Variants in CHLSN observed in about 807,000 individuals in gnomAD.
CHLSN encodes the protein cholesin, also known as protein cholesin.
the CHLSN span, among the ~76,000 whole-genome samples, chr7:1,014,921 G>A: frequency 6.6e-6 from 1 of 152,232 alleles, no homozygotes; most frequent in African/African-American, 2.4e-5. Flanking sequence ...TCCCTGCCCT[G>A]CAGGGACGGT....
chr7:1,132,399 AAAGAAAAC>A, the CHLSN span, among the ~76,000 whole-genome samples: 3 of 152,132 alleles, frequency 2.0e-5, no homozygotes, highest in Non-Finnish European at 2.9e-5. Context: ...AACAAAGCAA[AAAGAAAAC>A]CCAGGCTAGG....
At chr7:1,100,369 G>C in the CHLSN span, among the ~76,000 whole-genome samples, 1 of 152,254 alleles carries the variant, frequency 6.6e-6, no homozygotes, top group African/African-American at 2.4e-5. Flanking sequence ...CTCTGGGAGA[G>C]AGTGGACACC....
the CHLSN span, among the ~76,000 whole-genome samples, chr7:1,012,754 C>T: frequency 6.6e-6 from 1 of 152,384 alleles, no homozygotes; most frequent in East Asian, 1.9e-4. Context: ...GGGTGCTGCG[C>T]CCGGAGAGCC....
the CHLSN span, chr7:986,758 C>T: frequency 4.0e-5 from 64 of 1,602,804 alleles, no homozygotes; most frequent in Admixed American, 5.1e-5. Flanking sequence ...CGGGGGACCC[C>T]GTGTGCAGCT....
At chr7:995,344 C>G in the CHLSN span, among the ~76,000 whole-genome samples, 1 of 152,244 alleles carries the variant, frequency 6.6e-6, no homozygotes, top group Non-Finnish European at 1.5e-5. Flanking sequence ...GAACCCCTGA[C>G]AGGAGAGCAC....
the CHLSN span, among the ~76,000 whole-genome samples, chr7:1,079,789 C>T: frequency 6.6e-6 from 1 of 152,212 alleles, no homozygotes; most frequent in South Asian, 2.1e-4. Flanking sequence ...CTGGAGTCCC[C>T]GGCCTCCCAG....
At chr7:1,058,892 A>C in the CHLSN span, 6 of 210,878 alleles carry the variant, frequency 2.8e-5, no homozygotes, top group Non-Finnish European at 6.3e-5. Flanking sequence ...GTTTTACAAA[A>C]ACAGATGTTT....
chr7:1,027,730 G>A, the CHLSN span, among the ~76,000 whole-genome samples: 2 of 152,242 alleles, frequency 1.3e-5, no homozygotes, highest in Admixed American at 6.5e-5. Context: ...CCTGGCTTCC[G>A]AGCGCCCGAC....
chr7:1,070,268 G>A, the CHLSN span, among the ~76,000 whole-genome samples: 1 of 143,604 alleles, frequency 7.0e-6, no homozygotes, highest in Admixed American at 6.8e-5. Context: ...GGGGGGGTCA[G>A]CCCCCCGCCC....
At chr7:982,010 G>C in the CHLSN span, among the ~76,000 whole-genome samples, 4 of 152,118 alleles carry the variant, frequency 2.6e-5, no homozygotes, top group African/African-American at 9.7e-5. Flanking sequence ...ATCCAGCCTG[G>C]GCAACAGAGC....
the CHLSN span, among the ~76,000 whole-genome samples, chr7:1,094,073 A>T: frequency 6.6e-6 from 1 of 152,242 alleles, no homozygotes; most frequent in East Asian, 1.9e-4. Context: ...GGCAGGGCTC[A>T]GCCTTGTCCA....
chr7:1,066,009 G>A, the CHLSN span, among the ~76,000 whole-genome samples: 1 of 152,242 alleles, frequency 6.6e-6, no homozygotes, highest in Non-Finnish European at 1.5e-5. Context: ...GAGGACCAGA[G>A]CGCCTGGACC....
chr7:1,084,140 A>C, the CHLSN span, among the ~76,000 whole-genome samples: 1 of 152,238 alleles, frequency 6.6e-6, no homozygotes, highest in Non-Finnish European at 1.5e-5. Context: ...CTGGTGCGGC[A>C]AAACCCGCAC....
chr7:1,011,274 CAG>C, the CHLSN span, among the ~76,000 whole-genome samples: 4 of 148,058 alleles, frequency 2.7e-5, no homozygotes, highest in Admixed American at 1.3e-4. Context: ...CACCCACACC[CAG>C]ATACCCACAC....
At chr7:1,006,656 C>T in the CHLSN span, among the ~76,000 whole-genome samples, 1 of 148,904 alleles carries the variant, frequency 6.7e-6, no homozygotes, top group Admixed American at 6.7e-5. Context: ...AAAGAGCGCA[C>T]GACGGCCACA....
the CHLSN span, among the ~76,000 whole-genome samples, chr7:1,095,710 A>T: frequency 6.6e-6 from 1 of 152,224 alleles, no homozygotes. Context: ...AGGCACTAGA[A>T]GGGTCAGTCA....
At chr7:1,095,446 C>G in the CHLSN span, among the ~76,000 whole-genome samples, 3,320 of 152,284 alleles carry the variant, frequency 0.022, 65 homozygotes, top group Non-Finnish European at 0.035. Context: ...CCATCCAAGT[C>G]CCAGAAAGCA....
chr7:1,107,225 A>G, the CHLSN span, among the ~76,000 whole-genome samples: 1 of 152,120 alleles, frequency 6.6e-6, no homozygotes, highest in Non-Finnish European at 1.5e-5. Flanking sequence ...CCTGTCTGCA[A>G]CCCACTATCC....
chr7:1,117,315 A>G, the CHLSN span, among the ~76,000 whole-genome samples: 2,819 of 12,062 alleles, frequency 0.23, 679 homozygotes, highest in African/African-American at 0.3. Flanking sequence ...ACAGCTCTAC[A>G]GACCGGCTTC....
Sources: gnomAD v4.1 joint callset for allele counts (sites outside exome capture counted in the v4.1 genomes callset) on GRCh38, gnomAD v4.1.1 for gene constraint, MANE v1.5 for transcripts, NCBI Gene and HGNC (gene_info 2026-07-23, HGNC 2026-07-21) for gene names.